The following ABCA1 variants were observed in gnomAD, a reference collection of about 807,000 sequenced individuals.
The protein encoded by ABCA1 is ATP binding cassette subfamily A member 1.
ABCA1 carries 133 observed loss-of-function variants against 262.5 expected under a neutral mutation model. The ratio of observed to expected loss-of-function variants is 0.51; its 90% CI spans 0.44 to 0.59. ABCA1 has a LOEUF of 0.59. Ranked by LOEUF, ABCA1 falls within the 20% of genes least tolerant of loss-of-function variation. The pLI, the probability that ABCA1 is intolerant of heterozygous loss-of-function variation, is 0.00. For missense variants in ABCA1, 2,452 were observed against 2,777.5 expected (o/e 0.88, Z 2.63); for synonymous variants, 1,022 against 1,043.5 (o/e 0.98, Z 0.40).
intron 46 of ABCA1, 109 bp downstream of exon 46, chr9:104,787,811 G>A: frequency 6.2e-7 from 1 of 1,609,764 alleles, no homozygotes; most frequent in Non-Finnish European, 8.5e-7. Context: ...TGCTGTCCCT[G>A]GGGGAAGACA....
chr9:104,794,263 C>T (rs1202827883), intron 40 of ABCA1, 124 bp downstream of exon 40: 50 of 1,453,808 alleles, frequency 3.4e-5, no homozygotes, highest in Non-Finnish European at 4.7e-5. Context: ...TGTCACTGGG[C>T]ATGGGGGTGG....
intron 14 of ABCA1, 132 bp downstream of exon 14, chr9:104,830,793 A>C: frequency 1.0e-6 from 1 of 1,003,372 alleles, no homozygotes; most frequent in Non-Finnish European, 1.6e-6. Context: ...ATGTGGCTGC[A>C]ACTGTTGACA....
At chr9:104,837,639 A>C in intron 9 of ABCA1, 72 bp from the exon 10 acceptor site, 1 of 1,578,622 alleles carries the variant, frequency 6.3e-7, no homozygotes, top group Non-Finnish European at 8.6e-7. Context: ...AGGGCTTTGG[A>C]GCCAGAGAGT....
chr9:104,911,195 A>T (rs1841475586), intron 1 of ABCA1, among the ~76,000 whole-genome samples: 1 of 152,238 alleles, frequency 6.6e-6, no homozygotes, highest in Non-Finnish European at 1.5e-5. Context: ...TTGGTGCCAA[A>T]GCTCTGATTG....
chr9:104,862,771 C>T (rs1330716797), intron 5 of ABCA1, among the ~76,000 whole-genome samples: 1 of 125,702 alleles, frequency 8.0e-6, no homozygotes, highest in Non-Finnish European at 1.7e-5. Context: ...TCTGATACAG[C>T]GGCCCTGGGA....
intron 25 of ABCA1, among the ~76,000 whole-genome samples, chr9:104,815,447 T>C (rs1007852164): frequency 2.0e-4 from 31 of 152,210 alleles, no homozygotes; most frequent in African/African-American, 7.0e-4. Flanking sequence ...CTTCAAGGTC[T>C]GTGATGTTGT....
At chr9:104,924,468 G>T (rs968900982) in intron 1 of ABCA1, among the ~76,000 whole-genome samples, 2 of 151,976 alleles carry the variant, frequency 1.3e-5, no homozygotes, top group Admixed American at 6.6e-5. Context: ...AAACTAGCCG[G>T]GTGTGGTGGC....
intron 5 of ABCA1, among the ~76,000 whole-genome samples, chr9:104,872,830 G>A (rs967115301): frequency 6.6e-6 from 1 of 152,236 alleles, no homozygotes; most frequent in African/African-American, 2.4e-5. Flanking sequence ...CACTGTTCTT[G>A]ATGTTAACAA....
intron 2 of ABCA1, among the ~76,000 whole-genome samples, chr9:104,893,256 A>T (rs1230593122): frequency 6.6e-6 from 1 of 151,794 alleles, no homozygotes; most frequent in Non-Finnish European, 1.5e-5. Context: ...CCCCATCTCT[A>T]CTGAAAATAC....
chr9:104,840,259 G>A lies in ABCA1; in HGVS notation c.1054+20C>T, dbSNP rs1834248316. The A allele has an allele frequency of 6.2e-7, 1 of 1,614,056 alleles. No individual in the cohort carries two copies. The highest frequency in any genetic ancestry group is 8.5e-7 in the Non-Finnish European group (1 of 1,180,032). ...AGGGATGGGGTTGGGGACAGGGCTG[G>A]GGTCTGCATGGACACTCACTTGTAG... On this transcript the variant is annotated intron_variant, in intron 9 of 49. Coordinates refer to ENST00000374736, the MANE Select transcript of ABCA1 (RefSeq NM_005502.4).
intron 2 of ABCA1, among the ~76,000 whole-genome samples, chr9:104,895,413 A>AT (rs1199681964): frequency 6.6e-6 from 1 of 152,124 alleles, no homozygotes; most frequent in African/African-American, 2.4e-5. Flanking sequence ...GTTCAGCAGC[A>AT]TCCCTGACCT....
At chr9:104,850,607 A>C (rs60151918) in intron 7 of ABCA1, among the ~76,000 whole-genome samples, 2,612 of 152,354 alleles carry the variant, frequency 0.017, 67 homozygotes, top group African/African-American at 0.059. Context: ...CTTGAATAAA[A>C]TTAACCCCAG....
At chr9:104,885,674 C>T (rs1839108618) in intron 3 of ABCA1, among the ~76,000 whole-genome samples, 1 of 152,176 alleles carries the variant, frequency 6.6e-6, no homozygotes, top group Admixed American at 6.5e-5. Flanking sequence ...AGGATTCGGT[C>T]TGGCACAGTT....
rs139363994 is a variant in ABCA1 at position 104,793,291 on chromosome 9, C to A, written c.5516G>T (p.Arg1839Leu). 6.2e-7 allele frequency: 1 copy of A among 1,613,972 alleles called. No homozygotes were observed. The highest frequency in any genetic ancestry group is 1.3e-5 in the African/African-American group (1 of 74,892). The change falls in exon 41 of 50, where the codon CGC (arginine) becomes CTC (leucine). Residue 1839 changes from arginine to leucine, a missense_variant. Transcript: ENST00000374736. ...ADALERFGEN[R>L]FVSPLSWDLV... ...GTCCCAAGATAATGGTGACACAAAG[C>A]GATTCTCCCCTAGTAGACACAATGC...
chr9:104,832,005 T>A (rs116581454), intron 12 of ABCA1, among the ~76,000 whole-genome samples, 178 bp from the exon 13 acceptor site: 1 of 152,186 alleles, frequency 6.6e-6, no homozygotes, highest in Non-Finnish European at 1.5e-5. Context: ...GGTTTTTCAC[T>A]GCAATTTAAG....
intron 5 of ABCA1, among the ~76,000 whole-genome samples, chr9:104,871,819 GA>G (rs1304070123): frequency 2.0e-5 from 3 of 152,088 alleles, no homozygotes; most frequent in African/African-American, 7.2e-5. Flanking sequence ...AAAAAGAAAA[GA>G]GAGTTTGAGG....
chr9:104,885,734 T>C (rs915262578), intron 3 of ABCA1, among the ~76,000 whole-genome samples: 1 of 152,268 alleles, frequency 6.6e-6, no homozygotes, highest in Non-Finnish European at 1.5e-5. Context: ...TCAAGATTAA[T>C]AGGCCCTGGA....
chr9:104,802,911 A>G (rs1830463806), intron 33 of ABCA1, among the ~76,000 whole-genome samples: 1 of 152,192 alleles, frequency 6.6e-6, no homozygotes. Flanking sequence ...AGCCTCGGGA[A>G]TCTGGTTTGG....
chr9:104,874,842 G>A (rs1393998165), intron 5 of ABCA1, among the ~76,000 whole-genome samples: 4 of 132,664 alleles, frequency 3.0e-5, no homozygotes, highest in African/African-American at 1.1e-4. Context: ...GCCCCCGCCC[G>A]GCCAGCCACC....
Sources: gnomAD v4.1 joint callset for allele counts (sites outside exome capture counted in the v4.1 genomes callset) on GRCh38, gnomAD v4.1.1 for gene constraint, MANE v1.5 for transcripts, NCBI Gene and HGNC (gene_info 2026-07-23, HGNC 2026-07-21) for gene names.